PLB1: variants seen among roughly 807,000 people sequenced by gnomAD.
The protein encoded by PLB1 is phospholipase B1, membrane-associated.
Under a neutral mutation model 227.4 loss-of-function variants are expected in PLB1, and 242 were observed. The ratio of observed to expected loss-of-function variants is 1.06; its 90% CI spans 0.96 to 1.18. The LOEUF is 1.18. Ranked by LOEUF, PLB1 falls within the 50% of genes most tolerant of loss-of-function variation. The pLI is 0.00. For synonymous variants in PLB1, 757 were observed against 682.2 expected (o/e 1.11, Z -1.71); for missense variants, 1,858 against 1,816.3 (o/e 1.02, Z -0.42).
intron 33 of PLB1, among the ~76,000 whole-genome samples, chr2:28,597,249 G>C (rs137944411): frequency 0.051 from 7,176 of 139,850 alleles, 619 homozygotes; most frequent in African/African-American, 0.18. Context: ...GGGCGACAGA[G>C]CAAGACTCCG....
chr2:28,501,667 T>G (rs1194133703), intron 1 of PLB1, among the ~76,000 whole-genome samples: 1 of 152,182 alleles, frequency 6.6e-6, no homozygotes, highest in Non-Finnish European at 1.5e-5. Context: ...TAGTTTAATA[T>G]CCTTTTTCTT....
rs1681632649 is a variant in PLB1, at chr2:28,590,075, A to G, written c.2087A>G (p.Gln696Arg). ...AAGATCAATATCACATGTCCGAACCAGGTAGAGTGGAAAGCACGTCCTTCC... is the reference window on the plus strand; with the variant it reads ...AAGATCAATATCACATGTCCGAACCGGGTAGAGTGGAAAGCACGTCCTTCC... ...ENKINITCPN[Q>R]VQPFLRTYKN... is the part of the protein sequence containing the mutation. The change falls in exon 29 of 58, where the codon CAG becomes CGG. Residue 696 changes from glutamine to arginine, a missense_variant and splice_region_variant. Transcript: ENST00000327757. 1 of 1,610,842 alleles carries G rather than the reference A, an allele frequency of 6.2e-7. No individual in the cohort carries two copies. The highest frequency in any genetic ancestry group is 1.3e-5 in the African/African-American group (1 of 74,818).
At position 28,591,786 on chromosome 2, in the gene PLB1, C is replaced by G. The variant is rs557639841; in HGVS notation, c.2188+26C>G. 3 of 1,610,744 alleles carry G rather than the reference C, an allele frequency of 1.9e-6. No individual in the cohort carries two copies. In the African/African-American group the frequency reaches 4.0e-5, roughly 21 times the overall value. On this transcript the variant is annotated intron_variant, in intron 31 of 57. Transcript: ENST00000327757. ...GTAAGCCCCCTATGGCACAGCAGGA[C>G]CCAGGGCCCCTCCACAGGGGCTGCT...
intron 50 of PLB1, among the ~76,000 whole-genome samples, chr2:28,626,051 A>G (rs1027249668): frequency 2.0e-5 from 3 of 149,262 alleles, no homozygotes; most frequent in Non-Finnish European, 4.4e-5. Context: ...GCTGGAGTGC[A>G]GTGGTGCGAT....
chr2:28,529,512 T>A, intron 7 of PLB1, 105 bp downstream of exon 7: 4 of 1,065,508 alleles, frequency 3.8e-6, no homozygotes, highest in Non-Finnish European at 4.2e-6. Context: ...GGCTTAAAAA[T>A]AGAAGTATTT....
chr2:28,603,234 A>C (rs35747858), intron 39 of PLB1, among the ~76,000 whole-genome samples: 1 of 152,186 alleles, frequency 6.6e-6, no homozygotes, highest in African/African-American at 2.4e-5. Context: ...TGGTTAGGGA[A>C]GTAGACATAT....
chr2:28,637,557 T>G (rs1689515135), intron 56 of PLB1, among the ~76,000 whole-genome samples: 3 of 152,202 alleles, frequency 2.0e-5, no homozygotes, highest in Middle Eastern at 6.8e-3. Flanking sequence ...GCCTCCCACC[T>G]CTGAAGGAGG....
chr2:28,543,283 C>T lies in PLB1; in HGVS notation c.936+15C>T. 1.2e-6 allele frequency: 2 copies of T among 1,609,716 alleles called. No individual in the cohort carries two copies. The highest frequency in any genetic ancestry group is 2.2e-5 in the South Asian group (2 of 89,968). ...GGAATAGGATGGTGAGTAGATGGGG[C>T]CTGGGGTGGGGCCCACAGAGGAGGG... On this transcript the variant is annotated intron_variant, in intron 14 of 57. Coordinates refer to ENST00000327757, the MANE Select transcript of PLB1 (RefSeq NM_153021.5).
At chr2:28,523,672 C>T in intron 4 of PLB1, among the ~76,000 whole-genome samples, 1 of 152,108 alleles carries the variant, frequency 6.6e-6, no homozygotes. Flanking sequence ...TCTCTCTTTA[C>T]CACCCTCTCC....
intron 17 of PLB1, among the ~76,000 whole-genome samples, chr2:28,554,521 G>A (rs1266953551): frequency 7.5e-5 from 4 of 53,586 alleles, no homozygotes; most frequent in African/African-American, 8.0e-5. Context: ...TTTTTTTTAA[G>A]AGATGGGGTC....
At chr2:28,526,072 C>T (rs1364093174) in intron 6 of PLB1, 127 bp downstream of exon 6, 9 of 1,083,682 alleles carry the variant, frequency 8.3e-6, no homozygotes, top group East Asian at 2.4e-5. Flanking sequence ...AGAAAGGGGA[C>T]GGTGTTCTGA....
chr2:28,529,798 C>T lies in PLB1; in HGVS notation c.468+19C>T, dbSNP rs372592876. On this transcript the variant is annotated intron_variant, in intron 8 of 57. Transcript: ENST00000327757. ...GAACCTGGTAAGCATCCGTCCAACT[C>T]TGGCATGGCTGGGCTGCCTGGCTTT... is the stretch of plus-strand genomic sequence containing the variant. The T allele has an allele frequency of 5.7e-5, 92 of 1,613,220 alleles. No individual in the cohort carries two copies. The highest frequency in any genetic ancestry group is 7.4e-5 in the Non-Finnish European group (87 of 1,179,296).
At chr2:28,564,501 C>A (rs1029526408) in intron 18 of PLB1, among the ~76,000 whole-genome samples, 1 of 152,216 alleles carries the variant, frequency 6.6e-6, no homozygotes, top group African/African-American at 2.4e-5. Context: ...TCTTCCTGCC[C>A]GGCGGGGCCT....
intron 24 of PLB1, 53 bp from the exon 25 acceptor site, chr2:28,582,352 G>T (rs562964904): frequency 6.6e-6 from 10 of 1,525,834 alleles, no homozygotes; most frequent in African/African-American, 1.4e-5. Context: ...CCAAACCGAG[G>T]TGAAAGGCTG....
chr2:28,631,704 G>A (rs1558965003), intron 54 of PLB1, among the ~76,000 whole-genome samples: 2 of 152,118 alleles, frequency 1.3e-5, no homozygotes, highest in South Asian at 2.1e-4. Flanking sequence ...TTTGGCCTAT[G>A]CAATCTGGTC....
At chr2:28,606,596 C>G in intron 43 of PLB1, 29 bp downstream of exon 43, 1 of 1,601,290 alleles carries the variant, frequency 6.2e-7, no homozygotes, top group Non-Finnish European at 8.6e-7. Context: ...CCTGGCTCCT[C>G]TCCACAAACC....
chr2:28,530,704 T>A (rs776535218), intron 8 of PLB1, among the ~76,000 whole-genome samples: 1 of 152,232 alleles, frequency 6.6e-6, no homozygotes, highest in African/African-American at 2.4e-5. Flanking sequence ...GCAAACTGTA[T>A]CTAACTAAGC....
At chr2:28,593,909 C>T in intron 33 of PLB1, 155 bp downstream of exon 33, 1 of 727,012 alleles carries the variant, frequency 1.4e-6, no homozygotes, top group South Asian at 1.5e-5. Flanking sequence ...AAAATGTGAA[C>T]ATTTGGTGAG....
chr2:28,496,273 G>A lies in PLB1; in HGVS notation c.55+104G>A, dbSNP rs565974873. 40 of 1,167,944 alleles carry A rather than the reference G, an allele frequency of 3.4e-5. No individual in the cohort carries two copies. In the East Asian group the frequency reaches 9.2e-4, roughly 27 times the overall value. 72.3% of individuals were successfully genotyped at this position (1,167,944 alleles called of 1,614,324 possible). ...TGAGAGGAGTGTGTGCTTTTGAAGA[G>A]ATAAAGCACAAAGCGTACAGTTCAA... On this transcript the variant is annotated intron_variant, in intron 1 of 57. Coordinates refer to ENST00000327757, the MANE Select transcript of PLB1 (RefSeq NM_153021.5).
Sources: allele counts gnomAD v4.1 joint callset (sites outside exome capture counted in the v4.1 genomes callset), GRCh38; gene constraint gnomAD v4.1.1; transcripts MANE v1.5; gene names NCBI Gene and HGNC (gene_info 2026-07-23, HGNC 2026-07-21).